The following COL25A1 variants were observed in gnomAD, a reference collection of about 807,000 sequenced individuals.
COL25A1 encodes collagen alpha-1(XXV) chain.
Under a neutral mutation model 128.4 loss-of-function variants are expected in COL25A1, and 103 were observed. The observed-to-expected ratio is 0.80, with a 90% CI of 0.68 to 0.94. The LOEUF is 0.94. Ranked by LOEUF, COL25A1 falls within the 40% of genes least tolerant of loss-of-function variation. The pLI, the probability that COL25A1 is intolerant of heterozygous loss-of-function variation, is 0.00. For missense variants in COL25A1, 745 were observed against 840.0 expected (o/e 0.89, Z 1.40); for synonymous variants, 279 against 277.2 (o/e 1.01, Z -0.06).
chr4:109,197,696 A>G (rs993662639), intron 3 of COL25A1, among the ~76,000 whole-genome samples: 8 of 150,996 alleles, frequency 5.3e-5, no homozygotes, highest in African/African-American at 2.0e-4. Flanking sequence ...CACTTAACAT[A>G]CCAAGCCAAC....
At chr4:109,093,472 A>AAAC (rs1553931038) in intron 3 of COL25A1, among the ~76,000 whole-genome samples, 25 of 145,540 alleles carry the variant, frequency 1.7e-4, no homozygotes, top group African/African-American at 6.0e-4. Context: ...AAAAAAAAAA[A>AAAC]AAAACCTTTT....
intron 3 of COL25A1, among the ~76,000 whole-genome samples, chr4:109,065,536 G>A (rs1027839162): frequency 7.6e-6 from 1 of 131,642 alleles, no homozygotes; most frequent in Non-Finnish European, 1.6e-5. Context: ...TGCAGCACGC[G>A]CGCGCGCGCG....
intron 8 of COL25A1, among the ~76,000 whole-genome samples, chr4:108,952,830 ACT>A (rs1749608153): frequency 9.6e-6 from 1 of 104,242 alleles, no homozygotes; most frequent in Admixed American, 1.1e-4. Flanking sequence ...GAAAAACTCA[ACT>A]TTTTTTTTTT....
chr4:109,083,451 T>TAA (rs1560659239), intron 3 of COL25A1, among the ~76,000 whole-genome samples: 2,619 of 103,090 alleles, frequency 0.025, 179 homozygotes, highest in African/African-American at 0.11. Context: ...TAAATAAATT[T>TAA]TTTTTTTTTT....
rs1222767830 is a variant in COL25A1, at chr4:108,929,984, AATTG to A, written c.708+7820_708+7823del. 2.0e-5 allele frequency among the ~76,000 whole-genome samples: 3 copies of A among 152,320 alleles called. No individual in the cohort carries two copies. In the East Asian group the frequency reaches 5.8e-4, roughly 29 times the overall value. On this transcript the variant is annotated intron_variant, in intron 11 of 37. Coordinates refer to ENST00000399132, the MANE Select transcript of COL25A1 (RefSeq NM_198721.4). ...TCTTTTTATTAGAGCCTGATTTATTAATTGATTAACTCATATCACTCAGTCACTC... is the reference window on the plus strand; with the variant it reads ...TCTTTTTATTAGAGCCTGATTTATTAATTAACTCATATCACTCAGTCACTC...
chr4:108,923,702 A>AT (rs141759999), intron 11 of COL25A1, among the ~76,000 whole-genome samples: 29,588 of 152,148 alleles, frequency 0.19, 3,043 homozygotes, highest in Non-Finnish European at 0.23. Context: ...ACTTGGATGA[A>AT]TAATGCCATA....
rs115528777 is a variant in COL25A1 at position 108,899,272 on chromosome 4, G to C, written c.835-92C>G. On this transcript the variant is annotated intron_variant, in intron 14 of 37. Transcript: ENST00000399132. ...AACAAAACAGATATTGAACTTACTAGGTAAATTATGCATGACATTTTCTAT... is the reference window on the plus strand; with the variant it reads ...AACAAAACAGATATTGAACTTACTACGTAAATTATGCATGACATTTTCTAT... The C allele has an allele frequency of 2.6e-6, 3 of 1,141,610 alleles. No homozygotes were observed. The South Asian group carries it at 4.3e-5, about 16-fold the overall frequency. 70.7% of individuals were successfully genotyped at this position (1,141,610 alleles called of 1,614,324 possible). A position where few individuals can be genotyped will look rare whatever the true frequency, so the allele number is the denominator to read the frequency against.
At chr4:108,814,571 T>C (rs768343946) in intron 37 of COL25A1, among the ~76,000 whole-genome samples, 18 of 152,206 alleles carry the variant, frequency 1.2e-4, no homozygotes, top group Non-Finnish European at 2.5e-4. Context: ...TCACCACAGA[T>C]TTCTGCTTTC....
At chr4:109,268,898 T>A (rs1781978631) in intron 3 of COL25A1, among the ~76,000 whole-genome samples, 2 of 152,052 alleles carry the variant, frequency 1.3e-5, no homozygotes, top group Non-Finnish European at 2.9e-5. Context: ...ACTGTTACCA[T>A]CCTTCCACCC....
At chr4:108,899,301 G>A in intron 14 of COL25A1, 121 bp from the exon 15 acceptor site, 2 of 807,400 alleles carry the variant, frequency 2.5e-6, no homozygotes, top group South Asian at 2.0e-5. Context: ...TTTCTATTTT[G>A]GCTACATGCA....
At chr4:108,920,073 A>C (rs1578768682) in intron 12 of COL25A1, among the ~76,000 whole-genome samples, 1 of 152,138 alleles carries the variant, frequency 6.6e-6, no homozygotes, top group African/African-American at 2.4e-5. Context: ...CTCCAGCAGA[A>C]TTTAATCGTC....
chr4:109,134,023 A>C (rs966975633), intron 3 of COL25A1, among the ~76,000 whole-genome samples: 3 of 152,170 alleles, frequency 2.0e-5, no homozygotes, highest in African/African-American at 7.2e-5. Flanking sequence ...GAAAGAAATT[A>C]GTATTAAATG....
At chr4:109,107,865 C>G (rs556628929) in intron 3 of COL25A1, among the ~76,000 whole-genome samples, 1 of 152,344 alleles carries the variant, frequency 6.6e-6, no homozygotes, top group South Asian at 2.1e-4. Flanking sequence ...CGTGTATACA[C>G]AGCTTACCAC....
chr4:108,829,156 T>C (rs1732750959), intron 32 of COL25A1, among the ~76,000 whole-genome samples: 1 of 152,274 alleles, frequency 6.6e-6, no homozygotes, highest in South Asian at 2.1e-4. Context: ...TTAAGAGACA[T>C]CTATAAAAAA....
intron 24 of COL25A1, among the ~76,000 whole-genome samples, chr4:108,859,185 G>A (rs1286795107): frequency 4.6e-5 from 7 of 152,150 alleles, no homozygotes; most frequent in Admixed American, 2.0e-4. Flanking sequence ...TCTCAACAAG[G>A]CTATGAGGCA....
intron 8 of COL25A1, among the ~76,000 whole-genome samples, chr4:108,943,385 A>G (rs940734137): frequency 2.0e-5 from 3 of 152,204 alleles, no homozygotes; most frequent in African/African-American, 7.2e-5. Context: ...CTTATTCCCC[A>G]GAATAAACAC....
chr4:109,240,777 A>G (rs918333151), intron 3 of COL25A1, among the ~76,000 whole-genome samples: 41 of 152,190 alleles, frequency 2.7e-4, no homozygotes, highest in African/African-American at 9.9e-4. Flanking sequence ...TTCTTAAGTG[A>G]CCTTATAGGT....
At chr4:109,240,253 A>G (rs985976540) in intron 3 of COL25A1, among the ~76,000 whole-genome samples, 1 of 152,092 alleles carries the variant, frequency 6.6e-6, no homozygotes, top group Non-Finnish European at 1.5e-5. Flanking sequence ...ATACTTTTGT[A>G]TGACTGGAAG....
intron 3 of COL25A1, among the ~76,000 whole-genome samples, chr4:109,191,416 C>T (rs909109243): frequency 4.6e-5 from 7 of 152,092 alleles, no homozygotes; most frequent in Non-Finnish European, 1.0e-4. Flanking sequence ...TGGTACTTGT[C>T]GCCCACAAGA....
Sources: allele counts gnomAD v4.1 joint callset (sites outside exome capture counted in the v4.1 genomes callset), GRCh38; gene constraint gnomAD v4.1.1; transcripts MANE v1.5; gene names NCBI Gene and HGNC (gene_info 2026-07-23, HGNC 2026-07-21).